The following KRT16 variants were observed in gnomAD, a reference collection of about 807,000 sequenced individuals.
The protein encoded by KRT16 is keratin 16.
Under a neutral mutation model 44.8 loss-of-function variants are expected in KRT16, and 42 were observed. The observed-to-expected ratio is 0.94, with a 90% CI of 0.73 to 1.21. KRT16 has a LOEUF of 1.21. Among genes scored for constraint, KRT16 ranks in the 50% most tolerant of loss-of-function variants. KRT16 has a pLI of 0.00. For synonymous variants in KRT16, 226 were observed against 260.4 expected (o/e 0.87, Z 1.27); for missense variants, 561 against 626.9 (o/e 0.89, Z 1.12).
In KRT16 at chr17:41,612,360, T is replaced by A. The variant is rs1208726114; in HGVS notation, c.329A>T (p.Asp110Val). ...AGFGGGFAGG[D>V]GLLVGSEKVT... ...CTTCTCACTGCCCACCAGAAGCCCA[T>A]CACCACCAGCAAAACCACCACCAAA... The change falls in exon 1 of 8, where the codon GAT (aspartate) becomes GTT (valine). Residue 110 changes from aspartate to valine, a missense_variant. Coordinates refer to ENST00000301653, the MANE Select transcript of KRT16 (RefSeq NM_005557.4). The A allele has an allele frequency of 6.8e-6, 11 of 1,613,906 alleles. No homozygotes were observed. Among genetic ancestry groups the A allele is most frequent in the Non-Finnish European group, 7.6e-6 (9 of 1,180,014 alleles).
chr17:41,611,100 C>A lies in KRT16; in HGVS notation c.902G>T (p.Arg301Leu). 1 of 1,614,020 alleles carries A rather than the reference C, an allele frequency of 6.2e-7. No individual in the cohort carries two copies. The highest frequency in any genetic ancestry group is 8.5e-7 in the Non-Finnish European group (1 of 1,179,874). The change falls in exon 4 of 8, where the codon CGC becomes CTC. Residue 301 changes from arginine (R) to leucine (L), a missense_variant. Transcript: ENST00000301653. ...CAGGAACCAGGTCTCAGCGTCTCTG[C>A]GGTTTTTCTCTGCCATCTGCTCGTA... ...DQYEQMAEKN[R>L]RDAETWFLSK... is the part of the protein sequence containing the mutation.
In KRT16 at chr17:41,612,580, C is replaced by T. The variant is rs1324353859; in HGVS notation, c.109G>A (p.Gly37Arg). 6.9e-6 allele frequency: 11 copies of T among 1,594,162 alleles called. No homozygotes were observed. Among genetic ancestry groups the T allele is most frequent in the East Asian group, 2.3e-5 (1 of 43,828 alleles). The change falls in exon 1 of 8, where the codon GGA (glycine) becomes AGA (arginine). Residue 37 changes from glycine to arginine, a missense_variant. Transcript: ENST00000301653. Reference protein sequence around the residue: ...GSSRISSVLAGGSCRAPSTYG... With the variant: ...GSSRISSVLARGSCRAPSTYG... ...GTGCTGGGGGCACGGCAGGACCCTCCGGCCAGGACGGAGGAGATGCGGCTG... is the reference window on the plus strand; with the variant it reads ...GTGCTGGGGGCACGGCAGGACCCTCTGGCCAGGACGGAGGAGATGCGGCTG...
In KRT16 at chr17:41,611,336, C is replaced by G; in HGVS notation, c.771+9G>C. Reference sequence around the variant, plus strand: ...AGCCTCCCACCCCGGAAGCCAGCAGCGACCGTACCTCCTCGTGGTTCTTCC... The same window carrying G: ...AGCCTCCCACCCCGGAAGCCAGCAGGGACCGTACCTCCTCGTGGTTCTTCC... On this transcript the variant is annotated intron_variant, in intron 3 of 7. Coordinates refer to ENST00000301653, the MANE Select transcript of KRT16 (RefSeq NM_005557.4). 6.2e-7 allele frequency: 1 copy of G among 1,614,106 alleles called. No homozygotes were observed. The highest frequency in any genetic ancestry group is 8.5e-7 in the Non-Finnish European group (1 of 1,179,966).
In KRT16 at chr17:41,612,364, C is replaced by T. The variant is rs1244335082; in HGVS notation, c.325G>A (p.Gly109Ser). Residue 109 changes from glycine to serine, a missense_variant, in exon 1 of 8, where the codon GGT (glycine) becomes AGT (serine). Physicochemically the swap from Gly to Ser is moderately conservative, Grantham distance 56. Transcript: ENST00000301653. The stretch of plus-strand genomic sequence containing the variant: ...TCACTGCCCACCAGAAGCCCATCAC[C>T]ACCAGCAAAACCACCACCAAAGCCA... Reference protein sequence around the residue: ...GAGFGGGFAGGDGLLVGSEKV... With the variant: ...GAGFGGGFAGSDGLLVGSEKV... 2.5e-6 allele frequency: 4 copies of T among 1,614,208 alleles called. No homozygotes were observed. The highest frequency in any genetic ancestry group is 2.5e-6 in the Non-Finnish European group (3 of 1,180,030).
Position 41,611,479 on chromosome 17 carries a change from G to T in KRT16, c.637C>A (p.Arg213=), listed in dbSNP as rs148173278. 3 of 1,613,902 alleles carry T rather than the reference G, an allele frequency of 1.9e-6. No homozygotes were observed. The highest frequency in any genetic ancestry group is 1.1e-5 in the South Asian group (1 of 91,078). The change falls in exon 3 of 8, where the codon CGG becomes AGG. Residue 213 remains arginine (R), a synonymous_variant. Transcript: ENST00000301653. ...TTGACGTCGGCCTCCACAGTCTGCC[G>T]CAGGGCCAGTTCATGCTCATACCTG... ...RTKYEHELAL[R]QTVEADVNGL...
chr17:41,610,874 G>A lies in KRT16; in HGVS notation c.1039C>T (p.Leu347=), dbSNP rs766869930. ...CATACCATGCTGAGCTGGGACTGCAGCTCAATCTCCAGGCCCTGGAGCACC... is the reference window on the plus strand; with the variant it reads ...CATACCATGCTGAGCTGGGACTGCAACTCAATCTCCAGGCCCTGGAGCACC... ...RRVLQGLEIE[L]QSQLSMKASL... is the part of the protein sequence containing the mutation. Residue 347 remains leucine (L), a synonymous_variant, in exon 5 of 8, where the codon CTG becomes TTG. Transcript: ENST00000301653. 2 of 1,614,048 alleles carry A rather than the reference G, an allele frequency of 1.2e-6. No individual in the cohort carries two copies. Among genetic ancestry groups the A allele is most frequent in the Admixed American group, 1.7e-5 (1 of 60,028 alleles).
In KRT16 at chr17:41,612,174, T is replaced by C. The variant is rs773503448; in HGVS notation, c.515A>G (p.Glu172Gly). The change falls in exon 1 of 8, where the codon GAG (glutamate) becomes GGG (glycine). Residue 172 changes from glutamate (E) to glycine (G), a missense_variant. Glu to Gly is a moderately conservative substitution (Grantham distance 98). Coordinates refer to ENST00000301653, the MANE Select transcript of KRT16 (RefSeq NM_005557.4). Reference sequence around the variant, plus strand: ...GTCACCCACCTTGTTCCTCAGGTCCTCGATGGTCTTGAAGTAGGGACTGTA... The same window carrying C: ...GTCACCCACCTTGTTCCTCAGGTCCCCGATGGTCTTGAAGTAGGGACTGTA... ...KDYSPYFKTI[E>G]DLRNKIIAAT... is the part of the protein sequence containing the mutation. 1.2e-6 allele frequency: 2 copies of C among 1,612,306 alleles called. No homozygotes were observed. The highest frequency in any genetic ancestry group is 2.2e-5 in the South Asian group (2 of 91,000).
intron 5 of KRT16, 117 bp from the exon 6 acceptor site, chr17:41,610,668 G>A: frequency 3.4e-6 from 5 of 1,472,974 alleles, no homozygotes; most frequent in Admixed American, 3.5e-5. Flanking sequence ...GTACTGATGG[G>A]CCAGACAATA....
rs770211924 is a variant in KRT16 at position 41,611,153 on chromosome 17, G to T, written c.849C>A (p.Ser283Arg). 1 of 1,613,954 alleles carries T rather than the reference G, an allele frequency of 6.2e-7. No homozygotes were observed. Among genetic ancestry groups the T allele is most frequent in the East Asian group, 2.2e-5 (1 of 44,878 alleles). Residue 283 changes from serine (S) to arginine (R), a missense_variant, in exon 4 of 8, where the codon AGC (serine) becomes AGA (arginine). Transcript: ENST00000301653. The part of the protein sequence containing the change: ...EMDAAPGVDL[S>R]RILNEMRDQY... ...GGTCACGCATCTCATTCAGGATGCGGCTCAGGTCCACGCCAGGTGCAGCAT... is the reference window on the plus strand; with the variant it reads ...GGTCACGCATCTCATTCAGGATGCGTCTCAGGTCCACGCCAGGTGCAGCAT...
Position 41,610,907 on chromosome 17 carries a change from G to T in KRT16, c.1006C>A (p.Leu336Ile). ...TCCAGGCCCTGGAGCACCCTCCGGA[G>T]CTCCGTCACCTCACTGCGGCTGCTC... Reference protein sequence around the residue: ...VQSSRSEVTELRRVLQGLEIE... With the variant: ...VQSSRSEVTEIRRVLQGLEIE... The change falls in exon 5 of 8, where the codon CTC (leucine) becomes ATC (isoleucine). Residue 336 changes from leucine (L) to isoleucine (I), a missense_variant. Leu to Ile is a conservative substitution (Grantham distance 5). Transcript: ENST00000301653. 1 of 1,614,146 alleles carries T rather than the reference G, an allele frequency of 6.2e-7. No homozygotes were observed. Among genetic ancestry groups the T allele is most frequent in the Non-Finnish European group, 8.5e-7 (1 of 1,180,034 alleles).
Position 41,610,440 on chromosome 17 carries a change from A to G in KRT16, c.1171T>C (p.Cys391Arg). ...TCCTGGCTCTGCTGCTCCATCTCAC[A>G]GCGTAGCTGGGCCAGCTGCTCCTCC... The part of the protein sequence containing the change: ...SVEEQLAQLR[C>R]EMEQQSQEYQ... The change falls in exon 6 of 8, where the codon TGT becomes CGT. Residue 391 changes from cysteine to arginine, a missense_variant. By Grantham distance (180) the Cys-to-Arg change is radical. Coordinates refer to ENST00000301653, the MANE Select transcript of KRT16 (RefSeq NM_005557.4). The G allele has an allele frequency of 6.2e-7, 1 of 1,612,178 alleles. No individual in the cohort carries two copies. The highest frequency in any genetic ancestry group is 8.5e-7 in the Non-Finnish European group (1 of 1,179,858).
In KRT16 at chr17:41,610,461, C is replaced by G. The variant is rs780464132; in HGVS notation, c.1150G>C (p.Glu384Gln). ...TCACAGCGTAGCTGGGCCAGCTGCTCCTCCACACTGCCAATCAGTCCCTGG... is the reference window on the plus strand; with the variant it reads ...TCACAGCGTAGCTGGGCCAGCTGCTGCTCCACACTGCCAATCAGTCCCTGG... The part of the protein sequence containing the change: ...QIQGLIGSVE[E>Q]QLAQLRCEME... The change falls in exon 6 of 8, where the codon GAG becomes CAG. Residue 384 changes from glutamate to glutamine, a missense_variant. By Grantham distance (29) the Glu-to-Gln change is conservative (BLOSUM62 2). Coordinates refer to ENST00000301653, the MANE Select transcript of KRT16 (RefSeq NM_005557.4). 1.2e-6 allele frequency: 2 copies of G among 1,612,066 alleles called. No homozygotes were observed. The highest frequency in any genetic ancestry group is 1.7e-6 in the Non-Finnish European group (2 of 1,179,882).
Position 41,611,486 on chromosome 17 carries a change from C to A in KRT16, c.630G>T (p.Leu210=), listed in dbSNP as rs2144603634. 1 of 1,613,982 alleles carries A rather than the reference C, an allele frequency of 6.2e-7. No individual in the cohort carries two copies. The highest frequency in any genetic ancestry group is 8.5e-7 in the Non-Finnish European group (1 of 1,180,030). ...DDFRTKYEHE[L]ALRQTVEADV... is the part of the protein sequence containing the mutation. ...CGGCCTCCACAGTCTGCCGCAGGGC[C>A]AGTTCATGCTCATACCTGGCAGGAC... is the stretch of plus-strand genomic sequence containing the variant. Residue 210 remains leucine (L), a synonymous_variant, in exon 3 of 8, where the codon CTG becomes CTT. Coordinates refer to ENST00000301653, the MANE Select transcript of KRT16 (RefSeq NM_005557.4).
intron 1 of KRT16, 59 bp downstream of exon 1, chr17:41,612,099 T>A: frequency 2.5e-6 from 4 of 1,597,954 alleles, no homozygotes; most frequent in African/African-American, 1.3e-5. Flanking sequence ...AAAAGAGGTA[T>A]CCCAAGGGCC....
intron 5 of KRT16, 106 bp downstream of exon 5, chr17:41,610,748 G>A: frequency 6.4e-7 from 1 of 1,563,798 alleles, no homozygotes; most frequent in Non-Finnish European, 8.8e-7. Flanking sequence ...TGAGTCCCCT[G>A]GTCCCATCCT....
Position 41,612,594 on chromosome 17 carries a change from G to A in KRT16, c.95C>T (p.Ser32Phe), listed in dbSNP as rs755292687. Reference sequence around the variant, plus strand: ...GCAGGACCCTCCGGCCAGGACGGAGGAGATGCGGCTGGAGCCGCCCCCGAT... The same window carrying A: ...GCAGGACCCTCCGGCCAGGACGGAGAAGATGCGGCTGGAGCCGCCCCCGAT... ...GGIGGGSSRI[S>F]SVLAGGSCRA... Residue 32 changes from serine to phenylalanine, a missense_variant, in exon 1 of 8, where the codon TCC (serine) becomes TTC (phenylalanine). Physicochemically the swap from Ser to Phe is radical, Grantham distance 155. Coordinates refer to ENST00000301653, the MANE Select transcript of KRT16 (RefSeq NM_005557.4). 20 of 1,597,116 alleles carry A rather than the reference G, an allele frequency of 1.3e-5. No individual in the cohort carries two copies. In the East Asian group the frequency reaches 1.6e-4, roughly 13 times the overall value.
At position 41,611,088 on chromosome 17, in the gene KRT16, T is replaced by G; in HGVS notation, c.914A>C (p.Glu305Ala). The G allele has an allele frequency of 6.2e-7, 1 of 1,614,054 alleles. No homozygotes were observed. Among genetic ancestry groups the G allele is most frequent in the Non-Finnish European group, 8.5e-7 (1 of 1,179,872 alleles). The change falls in exon 4 of 8, where the codon GAG (glutamate) becomes GCG (alanine). Residue 305 changes from glutamate to alanine, a missense_variant. Glu to Ala is a moderately radical substitution (Grantham distance 107). Transcript: ENST00000301653. ...QMAEKNRRDAETWFLSKTEEL... is the reference protein window; with the variant it reads ...QMAEKNRRDAATWFLSKTEEL... ...CCCCACCTTGCTCAGGAACCAGGTC[T>G]CAGCGTCTCTGCGGTTTTTCTCTGC... is the stretch of plus-strand genomic sequence containing the variant.
Position 41,610,443 on chromosome 17 carries a change from G to T in KRT16, c.1168C>A (p.Arg390Ser). The T allele has an allele frequency of 1.9e-6, 3 of 1,612,180 alleles. No individual in the cohort carries two copies. The highest frequency in any genetic ancestry group is 2.5e-6 in the Non-Finnish European group (3 of 1,179,860). ...TGGCTCTGCTGCTCCATCTCACAGC[G>T]TAGCTGGGCCAGCTGCTCCTCCACA... The part of the protein sequence containing the change: ...GSVEEQLAQL[R>S]CEMEQQSQEY... Residue 390 changes from arginine to serine, a missense_variant, in exon 6 of 8, where the codon CGC becomes AGC. By Grantham distance (110) the Arg-to-Ser change is moderately radical. Coordinates refer to ENST00000301653, the MANE Select transcript of KRT16 (RefSeq NM_005557.4).
intron 5 of KRT16, 76 bp downstream of exon 5, chr17:41,610,778 T>C: frequency 6.2e-7 from 1 of 1,606,726 alleles, no homozygotes; most frequent in Non-Finnish European, 8.5e-7. Context: ...AAGGTGGAAC[T>C]AGACTGTGGC....
Sources: allele counts gnomAD v4.1 joint callset, GRCh38; gene constraint gnomAD v4.1.1; transcripts MANE v1.5; gene names NCBI Gene and HGNC (gene_info 2026-07-23, HGNC 2026-07-21).